Variants in NAV2 observed in about 807,000 individuals in gnomAD.
NAV2 encodes the protein neuron navigator 2.
In NAV2, 54 loss-of-function variants were observed where a neutral mutation model predicts 223.2. That is an observed-to-expected ratio of 0.24 (90% confidence interval 0.19 to 0.30). The LOEUF (loss-of-function observed/expected upper bound fraction) is 0.30. Among genes scored for constraint, NAV2 ranks in the 10% least tolerant of loss-of-function variants. The pLI, the probability that NAV2 is intolerant of heterozygous loss-of-function variation, is 1.00. For synonymous variants in NAV2, 1,279 were observed against 1,239.3 expected (o/e 1.03, Z -0.67); for missense variants, 2,806 against 3,147.5 (o/e 0.89, Z 2.60).
chr11:19,471,557 G>A (rs2133935567), intron 1 of NAV2, among the ~76,000 whole-genome samples: 1 of 152,264 alleles, frequency 6.6e-6, no homozygotes, highest in African/African-American at 2.4e-5. Flanking sequence ...TGCAGGACCT[G>A]AGGGTAAGTG....
intron 1 of NAV2, among the ~76,000 whole-genome samples, chr11:19,721,884 G>A (rs775506332): frequency 1.3e-5 from 2 of 152,202 alleles, no homozygotes; most frequent in Non-Finnish European, 2.9e-5. Context: ...GAAAAATAAG[G>A]TGAGAACATC....
In NAV2 at chr11:19,412,314, G is replaced by A. The variant is rs116713778; in HGVS notation, c.75+61287G>A. ...GTGTAAATAAAGCCCCGGGAAGTTC[G>A]AACTGGGTGGAGCCCACCACAGCTC... On this transcript the variant is annotated intron_variant, in intron 1 of 37. Coordinates refer to the NAV2 transcript ENST00000360655. 9.3e-3 allele frequency among the ~76,000 whole-genome samples: 1,411 copies of A among 152,308 alleles called. 17 individuals are homozygous for A. The highest frequency in any genetic ancestry group is 0.032 in the African/African-American group (1,330 of 41,558).
intron 1 of NAV2, among the ~76,000 whole-genome samples, chr11:19,771,164 T>A (rs572922865): frequency 6.6e-6 from 1 of 152,274 alleles, no homozygotes; most frequent in African/African-American, 2.4e-5. Context: ...TACACAAAGA[T>A]GAATAAGATA....
intron 1 of NAV2, among the ~76,000 whole-genome samples, chr11:19,480,578 G>A (rs1258209634): frequency 1.3e-5 from 2 of 152,148 alleles, no homozygotes; most frequent in Non-Finnish European, 2.9e-5. Flanking sequence ...TCTTTATGGG[G>A]CCTGTTTGTT....
At chr11:20,046,905 GA>G (rs2057497691) in intron 14 of NAV2, among the ~76,000 whole-genome samples, 1 of 152,088 alleles carries the variant, frequency 6.6e-6, no homozygotes, top group South Asian at 2.1e-4. Flanking sequence ...CCCAAGAAAA[GA>G]AAATCAAGCA....
At chr11:19,679,763 G>A (rs953229463) in intron 1 of NAV2, among the ~76,000 whole-genome samples, 4 of 152,160 alleles carry the variant, frequency 2.6e-5, no homozygotes, top group Non-Finnish European at 5.9e-5. Context: ...CCTGTACCTG[G>A]TACTGAAACA....
intron 4 of NAV2, among the ~76,000 whole-genome samples, chr11:19,871,895 G>A (rs2062531049): frequency 6.6e-6 from 1 of 152,128 alleles, no homozygotes; most frequent in Admixed American, 6.5e-5. Context: ...ACTTCAAGGG[G>A]CCCAAGGACT....
At chr11:19,610,107 A>G (rs1375869295) in intron 1 of NAV2, among the ~76,000 whole-genome samples, 1 of 152,226 alleles carries the variant, frequency 6.6e-6, no homozygotes. Context: ...AGAAAGAGCC[A>G]TTTGACAGCA....
In NAV2 at chr11:19,892,542, T is replaced by C. The variant is rs763609389; in HGVS notation, c.879T>C (p.Asp293=). 10 of 1,614,178 alleles carry C rather than the reference T, an allele frequency of 6.2e-6. No homozygotes were observed. The East Asian group carries it at 2.2e-4, about 36-fold the overall frequency. Residue 293 remains aspartate (D), a synonymous_variant, in exon 6 of 38, where the codon GAT becomes GAC. Coordinates refer to ENST00000349880, the MANE Select transcript of NAV2 (RefSeq NM_145117.5). ...GCAGCCAGAGCTTTAACAACTATGA[T>C]AAATCCAAACCAGTCACCTCCCCAC... The part of the protein sequence containing the change: ...NRRSQSFNNY[D]KSKPVTSPPP...
chr11:19,624,695 G>T lies in NAV2; in HGVS notation c.76-207789G>T, dbSNP rs143455888. On this transcript the variant is annotated intron_variant, in intron 1 of 37. Coordinates refer to the NAV2 transcript ENST00000360655. Reference sequence around the variant, plus strand: ...AGGAAAGGGAATTCCATGACCCCTTGTGCTTCCTGGGTGAGGCGATTCCTC... The same window carrying T: ...AGGAAAGGGAATTCCATGACCCCTTTTGCTTCCTGGGTGAGGCGATTCCTC... Among the ~76,000 whole-genome samples the T allele has an allele frequency of 4.0e-3, 602 of 152,326 alleles. 31 individuals carry two copies. The East Asian group carries it at 0.1, about 26-fold the overall frequency.
chr11:20,070,360 G>T (rs1240210917), intron 22 of NAV2, among the ~76,000 whole-genome samples: 1 of 152,110 alleles, frequency 6.6e-6, no homozygotes, highest in East Asian at 1.9e-4. Context: ...GATGCCAATT[G>T]TTGCCTTTAC....
chr11:19,559,634 A>G (rs1269097357), intron 1 of NAV2, among the ~76,000 whole-genome samples: 1 of 152,182 alleles, frequency 6.6e-6, no homozygotes, highest in Non-Finnish European at 1.5e-5. Flanking sequence ...AGGAGGGGTC[A>G]CATGCTTATC....
rs146166754 is a variant in NAV2 at position 19,752,387 on chromosome 11, C to T, written c.267+38425C>T. Among the ~76,000 whole-genome samples, 358 of 152,290 alleles carry T rather than the reference C, an allele frequency of 2.4e-3. 2 individuals carry two copies. The highest frequency in any genetic ancestry group is 8.2e-3 in the African/African-American group (340 of 41,568). ...AAATGCATAATCACTCTTACATACC[C>T]ATGCACATATACATACACTCAACTT... is the stretch of plus-strand genomic sequence containing the variant. On this transcript the variant is annotated intron_variant, in intron 1 of 37. Coordinates refer to ENST00000349880, the MANE Select transcript of NAV2 (RefSeq NM_145117.5).
At position 19,933,292 on chromosome 11, in the gene NAV2, C is replaced by G. The variant is rs754709705; in HGVS notation, c.1048C>G (p.Gln350Glu). 5 of 1,613,624 alleles carry G rather than the reference C, an allele frequency of 3.1e-6. No individual in the cohort carries two copies. The South Asian group carries it at 5.5e-5, about 18-fold the overall frequency. Reference sequence around the variant, plus strand: ...TTGCAGTACCTCCTCGGCCATCCCGCAGCCCGGTGCAGCCACCAAGCCTTG... The same window carrying G: ...TTGCAGTACCTCCTCGGCCATCCCGGAGCCCGGTGCAGCCACCAAGCCTTG... Reference protein sequence around the residue: ...TNCSTSSAIPQPGAATKPWRS... With the variant: ...TNCSTSSAIPEPGAATKPWRS... Residue 350 changes from glutamine to glutamate, a missense_variant, in exon 7 of 38, where the codon CAG (glutamine) becomes GAG (glutamate). This residue lies in a region of NAV2 where 1,167 missense variants were observed against 1,180.5 expected (regional missense o/e 0.99). Transcript: ENST00000349880. This position sits in a 1 kb window ranked among gnomAD's most constrained non-coding sequence, Gnocchi z 4.3.
chr11:19,388,933 G>A (rs949262122), intron 1 of NAV2, among the ~76,000 whole-genome samples: 5 of 152,250 alleles, frequency 3.3e-5, no homozygotes, highest in East Asian at 1.9e-4. Flanking sequence ...CTGTGATGCC[G>A]GAATTTGAAT....
chr11:20,054,867 A>G (rs1253273503), intron 18 of NAV2, among the ~76,000 whole-genome samples: 5 of 152,204 alleles, frequency 3.3e-5, no homozygotes, highest in Non-Finnish European at 5.9e-5. Flanking sequence ...ATGCACACCT[A>G]TATAATAGAG....
Position 19,984,294 on chromosome 11 carries a change from G to C in NAV2, c.2768+47G>C, listed in dbSNP as rs1241719428. On this transcript the variant is annotated intron_variant, in intron 11 of 37. Coordinates refer to ENST00000349880, the MANE Select transcript of NAV2 (RefSeq NM_145117.5). ...CTGGTCAGATGCAGAGGTGATCCCA[G>C]GGGGGCCCTGAGAAATGAGGGTTAT... is the stretch of plus-strand genomic sequence containing the variant. The C allele has an allele frequency of 5.6e-6, 9 of 1,605,612 alleles. No homozygotes were observed. In the South Asian group the frequency reaches 9.9e-5, roughly 18 times the overall value.
chr11:19,364,374 C>A (rs375522854), intron 1 of NAV2, among the ~76,000 whole-genome samples: 26 of 152,108 alleles, frequency 1.7e-4, no homozygotes, highest in African/African-American at 6.0e-4. Flanking sequence ...ATTGCTACCA[C>A]CCCAGGAAAG....
intron 17 of NAV2, among the ~76,000 whole-genome samples, chr11:20,053,218 G>GAAAAAAAAAAAAAAAAAAAAAAAAAAAAA: frequency 2.4e-5 from 1 of 40,976 alleles, no homozygotes; most frequent in Non-Finnish European, 4.1e-5. Flanking sequence ...ACTACGTCTC[G>GAAAAAAAAAAAAAAAAAAAAAAAAAAAAA]AAAAAAAAAA....
Sources: gnomAD v4.1 joint callset for allele counts (sites outside exome capture counted in the v4.1 genomes callset) on GRCh38, gnomAD v4.1.1 for gene constraint, gnomAD v4.1.1 regional missense constraint, Gnocchi (gnomAD v3.1) non-coding constraint, MANE v1.5 for transcripts, NCBI Gene and HGNC (gene_info 2026-07-23, HGNC 2026-07-21) for gene names.